PDE4B: variants seen among roughly 807,000 people sequenced by gnomAD.
The protein encoded by PDE4B is phosphodiesterase 4B, also known as 3',5'-cyclic-AMP phosphodiesterase 4B.
In PDE4B, 20 loss-of-function variants were observed where a neutral mutation model predicts 82.2. That is an observed-to-expected ratio of 0.24 (90% CI 0.17 to 0.35). The LOEUF (loss-of-function observed/expected upper bound fraction) is 0.35, where lower values mean the gene tolerates loss of function less well. Ranked by LOEUF, PDE4B falls within the 10% of genes least tolerant of loss-of-function variation. PDE4B has a pLI of 1.00. For synonymous variants in PDE4B, 320 were observed against 318.9 expected (o/e 1.00, Z -0.04); for missense variants, 655 against 907.2 (o/e 0.72, Z 3.57).
At chr1:66,210,554 C>T (rs1175786805) in intron 3 of PDE4B, among the ~76,000 whole-genome samples, 1 of 140,440 alleles carries the variant, frequency 7.1e-6, no homozygotes, top group Admixed American at 7.4e-5. Context: ...CAAGATCGCA[C>T]CACTGCACTC....
intron 3 of PDE4B, among the ~76,000 whole-genome samples, chr1:66,222,879 A>G (rs1207849157): frequency 6.6e-6 from 1 of 152,240 alleles, no homozygotes; most frequent in Non-Finnish European, 1.5e-5. Context: ...TGGGAAAAGA[A>G]AAATTGGCAT....
At chr1:66,103,963 G>A (rs1035538265) in intron 3 of PDE4B, among the ~76,000 whole-genome samples, 1 of 151,874 alleles carries the variant, frequency 6.6e-6, no homozygotes, top group African/African-American at 2.4e-5. Flanking sequence ...TATACTTTAA[G>A]TTTTAGGTTA....
chr1:65,919,332 C>A (rs902324493), intron 3 of PDE4B, among the ~76,000 whole-genome samples: 1 of 151,994 alleles, frequency 6.6e-6, no homozygotes, highest in Admixed American at 6.6e-5. Flanking sequence ...ATGAAAATTG[C>A]GCTATGAGAG....
At chr1:65,886,555 C>T (rs1380940879) in intron 1 of PDE4B, among the ~76,000 whole-genome samples, 2 of 152,192 alleles carry the variant, frequency 1.3e-5, no homozygotes, top group Non-Finnish European at 2.9e-5. Flanking sequence ...ACACCCTTCT[C>T]AGCCTCTGGT....
At chr1:66,331,929 G>A (rs993207889) in intron 7 of PDE4B, 28 of 993,152 alleles carry the variant, frequency 2.8e-5, no homozygotes, top group Non-Finnish European at 3.4e-5. Flanking sequence ...GTCAGTGTTC[G>A]CTGAATTAGA....
intron 3 of PDE4B, among the ~76,000 whole-genome samples, chr1:66,013,451 G>A (rs1652599926): frequency 6.6e-6 from 1 of 152,018 alleles, no homozygotes; most frequent in Non-Finnish European, 1.5e-5. Flanking sequence ...TTCACTAATT[G>A]TTCTTTACTG....
At position 66,124,455 on chromosome 1, in the gene PDE4B, C is replaced by G. The variant is rs927186958; in HGVS notation, c.282-123005C>G. Among the ~76,000 whole-genome samples the G allele has an allele frequency of 2.0e-5, 3 of 152,240 alleles. No individual in the cohort carries two copies. In the East Asian group the frequency reaches 5.8e-4, roughly 29 times the overall value. On this transcript the variant is annotated intron_variant, in intron 3 of 16. Transcript: ENST00000341517. ...GCAGTGCTCCTATTTCGGCAACATCCAAGTAGATGTTAGAATGACGGAATG... is the reference window on the plus strand; with the variant it reads ...GCAGTGCTCCTATTTCGGCAACATCGAAGTAGATGTTAGAATGACGGAATG...
intron 1 of PDE4B, among the ~76,000 whole-genome samples, chr1:65,872,369 T>A (rs193211076): frequency 6.6e-5 from 10 of 152,218 alleles, no homozygotes; most frequent in Non-Finnish European, 1.2e-4. Context: ...TCAAATAATT[T>A]ACAGTTCTTA....
At chr1:66,199,297 G>A (rs945770342) in intron 3 of PDE4B, among the ~76,000 whole-genome samples, 32 of 151,698 alleles carry the variant, frequency 2.1e-4, no homozygotes, top group African/African-American at 6.3e-4. Context: ...TTTAATGATC[G>A]CCATTCTAAC....
At chr1:65,978,037 T>C (rs1308004016) in intron 3 of PDE4B, among the ~76,000 whole-genome samples, 2 of 149,808 alleles carry the variant, frequency 1.3e-5, no homozygotes, top group Admixed American at 1.3e-4. Flanking sequence ...TTTTTTTTTT[T>C]TTTTTTTGAG....
intron 3 of PDE4B, among the ~76,000 whole-genome samples, chr1:66,241,550 A>ACT (rs2101658811): frequency 6.6e-6 from 1 of 151,700 alleles, no homozygotes; most frequent in East Asian, 1.9e-4. Flanking sequence ...TCTGTTGCTC[A>ACT]GCTGGGAGTG....
chr1:66,066,742 C>T (rs1050701471), intron 3 of PDE4B, among the ~76,000 whole-genome samples: 1 of 151,940 alleles, frequency 6.6e-6, no homozygotes. Context: ...CTCCTGAAGG[C>T]ATAGCACATG....
intron 1 of PDE4B, among the ~76,000 whole-genome samples, chr1:65,815,727 G>A (rs1009454561): frequency 1.3e-5 from 2 of 152,082 alleles, no homozygotes; most frequent in Non-Finnish European, 2.9e-5. Context: ...GATCATATAT[G>A]ACAAAGATAC....
At chr1:65,865,815 G>A (rs572804176) in intron 1 of PDE4B, among the ~76,000 whole-genome samples, 1 of 152,144 alleles carries the variant, frequency 6.6e-6, no homozygotes, top group Non-Finnish European at 1.5e-5. Context: ...GACTGGAGCC[G>A]TTTTTATTCG....
chr1:65,947,460 C>T (rs1648770982), intron 3 of PDE4B, among the ~76,000 whole-genome samples: 1 of 151,862 alleles, frequency 6.6e-6, no homozygotes, highest in South Asian at 2.1e-4. Context: ...TTGCCATTTC[C>T]TTGAGATGCT....
intron 3 of PDE4B, among the ~76,000 whole-genome samples, chr1:66,074,874 T>C (rs546807988): frequency 7.2e-5 from 11 of 152,236 alleles, no homozygotes; most frequent in African/African-American, 2.6e-4. Flanking sequence ...TTTGTGTATC[T>C]GTTTGTCTGT....
intron 1 of PDE4B, among the ~76,000 whole-genome samples, chr1:65,810,866 G>C (rs905047378): frequency 2.0e-5 from 3 of 152,280 alleles, no homozygotes; most frequent in African/African-American, 7.2e-5. Context: ...TTAATGTGGA[G>C]GATCTACTAC....
At chr1:65,818,958 A>G (rs887291122) in intron 1 of PDE4B, among the ~76,000 whole-genome samples, 1 of 152,148 alleles carries the variant, frequency 6.6e-6, no homozygotes, top group South Asian at 2.1e-4. Context: ...AAAAACCCCA[A>G]CATAGTTTGT....
intron 4 of PDE4B, among the ~76,000 whole-genome samples, chr1:66,251,496 A>G (rs140039778): frequency 6.6e-6 from 1 of 152,302 alleles, no homozygotes; most frequent in East Asian, 1.9e-4. Flanking sequence ...ATAAGTATGT[A>G]AATTTAGGAA....
Sources: allele counts gnomAD v4.1 joint callset (sites outside exome capture counted in the v4.1 genomes callset), GRCh38; gene constraint gnomAD v4.1.1; transcripts MANE v1.5; gene names NCBI Gene and HGNC (gene_info 2026-07-23, HGNC 2026-07-21).